Variants in TRAK1 observed in about 807,000 individuals in gnomAD.
The protein encoded by TRAK1 is trafficking kinesin protein 1.
TRAK1 carries 33 observed loss-of-function variants against 92.1 expected under a neutral mutation model. That is an observed-to-expected ratio of 0.36 (90% CI 0.27 to 0.48). The LOEUF (loss-of-function observed/expected upper bound fraction) is 0.48. TRAK1 is among the 20% of genes least tolerant of loss of function. The pLI, the probability that TRAK1 is intolerant of heterozygous loss-of-function variation, is 0.99. For synonymous variants in TRAK1, 521 were observed against 517.3 expected, an observed-to-expected ratio of 1.01 and a Z score of -0.10; for missense variants, 1,123 against 1,257.9, an observed-to-expected ratio of 0.89 and a Z score of 1.62.
At chr3:42,094,662 G>A (rs1705636079) in intron 1 of TRAK1, among the ~76,000 whole-genome samples, 1 of 152,170 alleles carries the variant, frequency 6.6e-6, no homozygotes, top group Non-Finnish European at 1.5e-5. Flanking sequence ...ATGAGCCCCA[G>A]TGCCCGGCAA....
intron 2 of TRAK1, chr3:42,145,958 A>C (rs1559830499): frequency 3.9e-6 from 1 of 256,104 alleles, no homozygotes; most frequent in Non-Finnish European, 7.6e-6. Context: ...ATTTGTCGAT[A>C]TGTGTTTGGG....
intron 1 of TRAK1, among the ~76,000 whole-genome samples, chr3:42,039,732 T>C (rs1334887030): frequency 6.6e-6 from 1 of 152,244 alleles, no homozygotes; most frequent in Non-Finnish European, 1.5e-5. Flanking sequence ...TGTGGATGTA[T>C]AACATGTTTT....
intron 1 of TRAK1, among the ~76,000 whole-genome samples, chr3:42,030,936 C>A (rs1702118415): frequency 6.6e-6 from 1 of 151,522 alleles, no homozygotes; most frequent in African/African-American, 2.4e-5. Context: ...CATCCCAAAT[C>A]ATTGAGCATG....
chr3:42,111,391 T>C (rs866736666), intron 1 of TRAK1, among the ~76,000 whole-genome samples: 17 of 132,044 alleles, frequency 1.3e-4, no homozygotes, highest in Non-Finnish European at 2.2e-4. Flanking sequence ...TTAGAAGTTA[T>C]GATAATCCTT....
chr3:42,112,038 T>C (rs1266642308), intron 1 of TRAK1, among the ~76,000 whole-genome samples: 1 of 151,500 alleles, frequency 6.6e-6, no homozygotes, highest in African/African-American at 2.4e-5. Flanking sequence ...GGTCAAAAAG[T>C]AGCCCCTACT....
Position 42,149,426 on chromosome 3 carries a change from C to T in TRAK1, c.286+23812C>T, listed in dbSNP as rs1384428160. 29 of 1,507,388 alleles carry T rather than the reference C, an allele frequency of 1.9e-5. 1 individual carries two copies. The highest frequency in any genetic ancestry group is 1.7e-4 in the Middle Eastern group (1 of 5,858). The allele number at this position is 1,507,388 out of a possible 1,614,324, so 93.4% of individuals were successfully genotyped here. A position where few individuals can be genotyped will look rare whatever the true frequency, so the allele number is the denominator to read the frequency against. ...TGTACAGCCTAATTCTGGTGTGTTTCGGGATATTCTTCTGTCCAGTATTCT... is the reference window on the plus strand; with the variant it reads ...TGTACAGCCTAATTCTGGTGTGTTTTGGGATATTCTTCTGTCCAGTATTCT... On this transcript the variant is annotated intron_variant, in intron 2 of 15. Coordinates refer to ENST00000327628, the MANE Select transcript of TRAK1 (RefSeq NM_001042646.3).
chr3:42,102,089 G>A (rs532191372), intron 1 of TRAK1, among the ~76,000 whole-genome samples: 16 of 152,300 alleles, frequency 1.1e-4, no homozygotes, highest in African/African-American at 3.6e-4. Context: ...AGGTTCAAGC[G>A]ATTCTCCTGC....
rs555391166 is a variant in TRAK1 at position 42,202,255 on chromosome 3, G to A, written c.1428-181G>A. Reference sequence around the variant, plus strand: ...AACCCCACTAAAAAAGACCCCTGGCGGGAGTGGTTCTGGACACGAATTTAT... The same window carrying A: ...AACCCCACTAAAAAAGACCCCTGGCAGGAGTGGTTCTGGACACGAATTTAT... On this transcript the variant is annotated intron_variant, in intron 12 of 15. Transcript: ENST00000327628. The surrounding 1 kb of genome is among the most constrained non-coding windows in gnomAD (Gnocchi z 6.1). Among the ~76,000 whole-genome samples the A allele has an allele frequency of 1.3e-5, 2 of 152,216 alleles. No individual in the cohort carries two copies. The highest frequency in any genetic ancestry group is 2.4e-5 in the African/African-American group (1 of 41,520).
chr3:42,045,352 T>C (rs1327459193), intron 1 of TRAK1, among the ~76,000 whole-genome samples: 1 of 152,086 alleles, frequency 6.6e-6, no homozygotes, highest in African/African-American at 2.4e-5. Context: ...CTGGCCAACA[T>C]GACGAAACCC....
At chr3:42,111,545 A>G (rs937014056) in intron 1 of TRAK1, among the ~76,000 whole-genome samples, 4 of 151,944 alleles carry the variant, frequency 2.6e-5, no homozygotes, top group Non-Finnish European at 4.4e-5. Flanking sequence ...ACAGGCGCCC[A>G]CTACCATGCC....
intron 13 of TRAK1, among the ~76,000 whole-genome samples, chr3:42,209,432 G>T (rs921435484): frequency 3.3e-5 from 5 of 152,102 alleles, no homozygotes; most frequent in Non-Finnish European, 5.9e-5. Flanking sequence ...ATGAGAAGAT[G>T]TTGAGTTCTG....
intron 1 of TRAK1, among the ~76,000 whole-genome samples, chr3:42,110,245 G>C (rs550508306): frequency 5.5e-4 from 83 of 151,504 alleles, no homozygotes; most frequent in African/African-American, 1.9e-3. Context: ...TAGCCCAGAC[G>C]GGCAGTTCCC....
rs554527182 is a variant in TRAK1, at chr3:42,204,428, T to G, written c.1744+1676T>G. Among the ~76,000 whole-genome samples the G allele has an allele frequency of 3.3e-5, 5 of 152,354 alleles. No homozygotes were observed. The South Asian group carries it at 1.0e-3, about 32-fold the overall frequency. On this transcript the variant is annotated intron_variant, in intron 13 of 15. Coordinates refer to ENST00000327628, the MANE Select transcript of TRAK1 (RefSeq NM_001042646.3). Reference sequence around the variant, plus strand: ...AGGATAATAGGAAATCCTGTTAGATTAGCAAGGTGAATTTCATCTATAGTG... The same window carrying G: ...AGGATAATAGGAAATCCTGTTAGATGAGCAAGGTGAATTTCATCTATAGTG...
intron 1 of TRAK1, among the ~76,000 whole-genome samples, chr3:42,106,075 G>A (rs1247078550): frequency 1.3e-5 from 2 of 152,184 alleles, no homozygotes; most frequent in East Asian, 1.9e-4. Context: ...ATGCCAAATT[G>A]TAAAGACCAT....
At chr3:42,168,440 C>A (rs11710267) in intron 2 of TRAK1, among the ~76,000 whole-genome samples, 2 of 152,156 alleles carry the variant, frequency 1.3e-5, no homozygotes, top group Non-Finnish European at 2.9e-5. Flanking sequence ...CTAGACAATT[C>A]AAAGATTTTC....
intron 15 of TRAK1, chr3:42,220,548 G>C: frequency 1.0e-6 from 1 of 985,454 alleles, no homozygotes; most frequent in Non-Finnish European, 1.2e-6. Flanking sequence ...TGAGCTGAGA[G>C]GAGATATAGG....
At chr3:42,157,455 C>A (rs1700666547) in intron 2 of TRAK1, among the ~76,000 whole-genome samples, 1 of 7,602 alleles carries the variant, frequency 1.3e-4, no homozygotes, top group Non-Finnish European at 2.1e-4. Context: ...GAGACCCTGT[C>A]TCAAAAAAAA....
At chr3:42,171,969 C>T (rs149146104) in intron 2 of TRAK1, among the ~76,000 whole-genome samples, 13 of 152,250 alleles carry the variant, frequency 8.5e-5, no homozygotes, top group South Asian at 2.1e-4. Context: ...CACCTCCATC[C>T]CCCCTCTCCG....
chr3:42,161,656 T>G (rs1479033665), intron 2 of TRAK1, among the ~76,000 whole-genome samples: 2 of 152,258 alleles, frequency 1.3e-5, no homozygotes, highest in Non-Finnish European at 2.9e-5. Flanking sequence ...GTATTTTTCT[T>G]TTGAAGTTAC....
Sources: allele counts gnomAD v4.1 joint callset (sites outside exome capture counted in the v4.1 genomes callset), GRCh38; gene constraint gnomAD v4.1.1; non-coding constraint Gnocchi (gnomAD v3.1); transcripts MANE v1.5; gene names NCBI Gene and HGNC (gene_info 2026-07-23, HGNC 2026-07-21).